The following FAM151B variants were observed in gnomAD, a reference collection of about 807,000 sequenced individuals.
FAM151B encodes the protein family with sequence similarity 151 member B, also known as protein FAM151B.
A neutral mutation model predicts 31.2 loss-of-function variants in FAM151B; 24 were observed. The observed-to-expected ratio is 0.77, with a 90% confidence interval of 0.56 to 1.08. FAM151B has a LOEUF of 1.08. Ranked by LOEUF, FAM151B falls within the 50% of genes least tolerant of loss-of-function variation. FAM151B has a pLI of 0.00. For missense variants in FAM151B, 293 were observed against 328.6 expected, an observed-to-expected ratio of 0.89 and a Z score of 0.84; for synonymous variants, 105 against 111.4, an observed-to-expected ratio of 0.94 and a Z score of 0.36.
At position 80,493,408 on chromosome 5, in the gene FAM151B, AAGAAC is replaced by A. The variant is rs148598616; in HGVS notation, c.25+5265_25+5269del. The stretch of plus-strand genomic sequence containing the variant: ...AGTATGAAATCAGTGTACCTTAAAA[AAGAAC>A]AGAATAACAGCAATTTTCAGGGAAA... On this transcript the variant is annotated intron_variant, in intron 1 of 5. Transcript: ENST00000282226. 9.2e-3 allele frequency among the ~76,000 whole-genome samples: 1,407 copies of A among 152,338 alleles called. 25 individuals are homozygous for A. Among genetic ancestry groups the A allele is most frequent in the African/African-American group, 0.033 (1,373 of 41,576 alleles).
intron 5 of FAM151B, among the ~76,000 whole-genome samples, chr5:80,528,294 A>G (rs920422042): frequency 2.6e-5 from 4 of 152,136 alleles, no homozygotes; most frequent in African/African-American, 9.7e-5. Context: ...AGGAAGGGGG[A>G]AAAAAAGAAG....
intron 1 of FAM151B, among the ~76,000 whole-genome samples, chr5:80,494,024 G>A (rs1018328371): frequency 4.6e-5 from 7 of 152,072 alleles, no homozygotes; most frequent in Admixed American, 1.3e-4. Context: ...TTCTCTCTTT[G>A]TACTCTTTCT....
chr5:80,515,194 T>C (rs249013), intron 3 of FAM151B, among the ~76,000 whole-genome samples: 64,273 of 151,720 alleles, frequency 0.42, 14,421 homozygotes, highest in African/African-American at 0.58. Flanking sequence ...GAGTTGAGAT[T>C]GCGCCACGGC....
Position 80,542,205 on chromosome 5 carries a change from C to T in FAM151B, c.*373C>T, listed in dbSNP as rs1745930197. ...TACAGAGATTATGAAAAATATGGTA[C>T]TCTTTTCCTTTTTCCTAGAAAACTG... On this transcript the variant is annotated 3_prime_UTR_variant, in exon 6 of 6. Transcript: ENST00000282226. 6.3e-6 allele frequency: 1 copy of T among 158,656 alleles called. No homozygotes were observed. The highest frequency in any genetic ancestry group is 2.0e-4 in the South Asian group (1 of 5,072). The allele number at this position is 158,656 out of a possible 1,614,324, so 9.8% of individuals were successfully genotyped here. A position where few individuals can be genotyped will look rare whatever the true frequency, so the allele number is the denominator to read the frequency against.
At chr5:80,532,211 G>T (rs1216797811) in intron 5 of FAM151B, among the ~76,000 whole-genome samples, 3 of 118,924 alleles carry the variant, frequency 2.5e-5, no homozygotes, top group African/African-American at 6.5e-5. Context: ...CCACACCGGG[G>T]CCTGTTGTGG....
At chr5:80,500,882 T>C in intron 1 of FAM151B, 1 of 845,586 alleles carries the variant, frequency 1.2e-6, no homozygotes. Context: ...TATGGCATCC[T>C]CTGCATGGAG....
At chr5:80,538,430 TTCTTTCTTTCTTTCTTTC>T (rs1561383340) in intron 5 of FAM151B, among the ~76,000 whole-genome samples, 19 of 58,882 alleles carry the variant, frequency 3.2e-4, no homozygotes, top group African/African-American at 1.0e-3. Context: ...CTTTCTTTCT[TTCTTTCTTTCTTTCTTTC>T]TCTTTCTTTC....
chr5:80,497,658 A>G (rs1743593439), intron 1 of FAM151B, among the ~76,000 whole-genome samples: 1 of 152,116 alleles, frequency 6.6e-6, no homozygotes, highest in Admixed American at 6.5e-5. Flanking sequence ...TTCTTACTTT[A>G]AATTTTTTTA....
intron 1 of FAM151B, among the ~76,000 whole-genome samples, chr5:80,494,476 C>CTTTTCT (rs750025229): frequency 1.6e-5 from 2 of 126,556 alleles, no homozygotes; most frequent in African/African-American, 6.1e-5. Flanking sequence ...TTCTTTCTTT[C>CTTTTCT]TTTCTTTCTT....
intron 2 of FAM151B, among the ~76,000 whole-genome samples, chr5:80,503,298 G>A (rs924842394): frequency 7.9e-5 from 12 of 152,140 alleles, no homozygotes; most frequent in African/African-American, 2.7e-4. Context: ...GGTCAGGGCG[G>A]TGGCTCATGC....
intron 2 of FAM151B, chr5:80,506,131 AG>A (rs1458887598): frequency 1.0e-6 from 1 of 984,924 alleles, no homozygotes; most frequent in Non-Finnish European, 1.2e-6. Context: ...TTGTAGCTCC[AG>A]GGGTGCATTA....
intron 5 of FAM151B, among the ~76,000 whole-genome samples, chr5:80,532,330 G>C (rs533641029): frequency 1.3e-5 from 2 of 152,104 alleles, no homozygotes; most frequent in South Asian, 4.2e-4. Context: ...TAACTAACCT[G>C]CATGTTGTGC....
At chr5:80,497,576 A>C (rs558945473) in intron 1 of FAM151B, among the ~76,000 whole-genome samples, 74 of 152,252 alleles carry the variant, frequency 4.9e-4, no homozygotes, top group African/African-American at 1.7e-3. Flanking sequence ...ATCCTCTGTA[A>C]GTTTTAAGAT....
At chr5:80,522,709 C>G (rs1744776802) in intron 5 of FAM151B, among the ~76,000 whole-genome samples, 1 of 152,056 alleles carries the variant, frequency 6.6e-6, no homozygotes, top group Non-Finnish European at 1.5e-5. Context: ...CTTCAGTGAG[C>G]CAAGATCATA....
intron 2 of FAM151B, among the ~76,000 whole-genome samples, chr5:80,512,034 T>A (rs1364175512): frequency 1.3e-5 from 2 of 152,210 alleles, no homozygotes; most frequent in African/African-American, 4.8e-5. Context: ...CTAATTTGTT[T>A]TATGCATTTT....
chr5:80,538,457 T>C (rs1276767827), intron 5 of FAM151B, among the ~76,000 whole-genome samples: 2 of 70,858 alleles, frequency 2.8e-5, no homozygotes, highest in Admixed American at 1.4e-4. Flanking sequence ...TCTCTTTCTT[T>C]CTTTCTTTCT....
At chr5:80,530,378 C>T (rs1313036490) in intron 5 of FAM151B, among the ~76,000 whole-genome samples, 1 of 152,084 alleles carries the variant, frequency 6.6e-6, no homozygotes, top group East Asian at 1.9e-4. Flanking sequence ...GTTGGAAGTT[C>T]TGGCCAGGGC....
chr5:80,509,937 A>G (rs1744117385), intron 2 of FAM151B, among the ~76,000 whole-genome samples: 1 of 152,162 alleles, frequency 6.6e-6, no homozygotes, highest in Non-Finnish European at 1.5e-5. Flanking sequence ...TATTGTTCTC[A>G]AGCTTCCAGT....
rs185351833 is a variant in FAM151B, at chr5:80,501,705, A to C, written c.26-87A>C. 64 of 878,284 alleles carry C rather than the reference A, an allele frequency of 7.3e-5. No homozygotes were observed. The East Asian group carries it at 1.6e-3, about 21-fold the overall frequency. The allele number at this position is 878,284 out of a possible 1,614,324, so 54.4% of individuals were successfully genotyped here. On this transcript the variant is annotated intron_variant, in intron 1 of 5. Transcript: ENST00000282226. Reference sequence around the variant, plus strand: ...ATATATCACATAACAGCATATGTGTATCTTAAATATACACAATGAAAGTGA... The same window carrying C: ...ATATATCACATAACAGCATATGTGTCTCTTAAATATACACAATGAAAGTGA...
Sources: gnomAD v4.1 joint callset for allele counts (sites outside exome capture counted in the v4.1 genomes callset) on GRCh38, gnomAD v4.1.1 for gene constraint, MANE v1.5 for transcripts, NCBI Gene and HGNC (gene_info 2026-07-23, HGNC 2026-07-21) for gene names.